DPYD: variants seen among roughly 807,000 people sequenced by gnomAD.
DPYD encodes dihydropyrimidine dehydrogenase, also known as dihydropyrimidine dehydrogenase [NADP(+)].
DPYD carries 109 observed loss-of-function variants against 116.2 expected under a neutral mutation model. The ratio of observed to expected loss-of-function variants is 0.94; its 90% CI spans 0.80 to 1.10. DPYD has a LOEUF of 1.10. Among genes scored for constraint, DPYD ranks in the 50% least tolerant of loss-of-function variants. The pLI is 0.00. For missense variants in DPYD, 1,302 were observed against 1,254.5 expected, an observed-to-expected ratio of 1.04 and a Z score of -0.57; for synonymous variants, 440 against 432.0, an observed-to-expected ratio of 1.02 and a Z score of -0.23.
intron 3 of DPYD, among the ~76,000 whole-genome samples, chr1:97,782,816 T>G (rs1025069260): frequency 2.6e-5 from 4 of 152,178 alleles, no homozygotes; most frequent in Non-Finnish European, 5.9e-5. Context: ...ATGGTCAAAC[T>G]CCTTTGTTAC....
Position 97,697,147 on chromosome 1 carries a change from TTAG to T in DPYD, c.680+2201_680+2203del, listed in dbSNP as rs1661354254. ...CGTGTCCTAAAAACAGAAGCCACTG[TTAG>T]AGGAAAGCAAAACTACTGATTATTT... On this transcript the variant is annotated intron_variant, in intron 6 of 22. Coordinates refer to ENST00000370192, the MANE Select transcript of DPYD (RefSeq NM_000110.4). 2.6e-5 allele frequency among the ~76,000 whole-genome samples: 4 copies of T among 152,112 alleles called. No homozygotes were observed. In the South Asian group the frequency reaches 8.3e-4, roughly 31 times the overall value.
At chr1:97,171,254 A>T (rs1488493822) in intron 20 of DPYD, among the ~76,000 whole-genome samples, 1 of 152,178 alleles carries the variant, frequency 6.6e-6, no homozygotes, top group Non-Finnish European at 1.5e-5. Flanking sequence ...TTGAGGAAAG[A>T]AGGTGGCATG....
chr1:97,725,024 T>G (rs1309502389), intron 4 of DPYD, among the ~76,000 whole-genome samples: 1 of 148,900 alleles, frequency 6.7e-6, no homozygotes, highest in Non-Finnish European at 1.5e-5. Context: ...TTATTTCTAT[T>G]TCCATGTAAA....
chr1:97,790,505 T>C (rs1042141586), intron 3 of DPYD, among the ~76,000 whole-genome samples: 4 of 152,216 alleles, frequency 2.6e-5, no homozygotes, highest in Admixed American at 2.6e-4. Context: ...GGGCACAGAA[T>C]AGTCTGCAAC....
At chr1:97,699,644 C>T in intron 5 of DPYD, 97 bp from the exon 6 acceptor site, 1 of 1,181,374 alleles carries the variant, frequency 8.5e-7, no homozygotes, top group South Asian at 1.3e-5. Flanking sequence ...TTTTAAATAG[C>T]AATGAGCAGT....
chr1:97,706,624 C>T (rs1358747671), intron 5 of DPYD, among the ~76,000 whole-genome samples: 1 of 151,964 alleles, frequency 6.6e-6, no homozygotes, highest in Non-Finnish European at 1.5e-5. Flanking sequence ...AATATACAGC[C>T]TTTTCAGATT....
At chr1:97,356,929 T>C (rs1007749822) in intron 16 of DPYD, among the ~76,000 whole-genome samples, 1 of 152,232 alleles carries the variant, frequency 6.6e-6, no homozygotes. Flanking sequence ...CACTTGGTGG[T>C]AGAGTTCAGA....
At chr1:97,879,219 C>T (rs1373802565) in intron 2 of DPYD, among the ~76,000 whole-genome samples, 1 of 151,862 alleles carries the variant, frequency 6.6e-6, no homozygotes, top group East Asian at 1.9e-4. Flanking sequence ...AAATAAATTA[C>T]TTCACAAAAA....
intron 3 of DPYD, among the ~76,000 whole-genome samples, chr1:97,785,681 CTTTTTTTTT>C (rs35229030): frequency 1.6e-5 from 1 of 62,540 alleles, no homozygotes; most frequent in African/African-American, 7.1e-5. Context: ...GCCACTGACT[CTTTTTTTTT>C]TTTTTTTTTT....
chr1:97,679,461 G>A lies in DPYD; in HGVS notation c.763-279C>T, dbSNP rs1051051592. On this transcript the variant is annotated intron_variant, in intron 7 of 22. Transcript: ENST00000370192. ...AGCTTGCATAATATGTTCAAAGCAC[G>A]ATGTGGGGCATTTAAATAATAAGAC... is the stretch of plus-strand genomic sequence containing the variant. Among the ~76,000 whole-genome samples, 9 of 152,120 alleles carry A rather than the reference G, an allele frequency of 5.9e-5. No individual in the cohort carries two copies. The East Asian group carries it at 1.3e-3, about 23-fold the overall frequency.
At chr1:97,770,486 G>C (rs1167814757) in intron 3 of DPYD, among the ~76,000 whole-genome samples, 4 of 151,996 alleles carry the variant, frequency 2.6e-5, no homozygotes, top group Admixed American at 6.6e-5. Flanking sequence ...AAAAAATTTT[G>C]AATAGTGAAT....
At chr1:97,390,113 TC>T (rs1460914159) in intron 14 of DPYD, among the ~76,000 whole-genome samples, 1 of 152,080 alleles carries the variant, frequency 6.6e-6, no homozygotes, top group Admixed American at 6.6e-5. Flanking sequence ...CTTGTCAAAT[TC>T]CCATTGACTT....
intron 16 of DPYD, among the ~76,000 whole-genome samples, chr1:97,311,914 G>A (rs987141712): frequency 1.8e-4 from 27 of 151,832 alleles, no homozygotes; most frequent in Middle Eastern, 3.4e-3. Flanking sequence ...ATAAAACTAC[G>A]AAGAAAAGCA....
intron 20 of DPYD, among the ~76,000 whole-genome samples, chr1:97,175,835 C>T (rs1366104439): frequency 6.6e-6 from 1 of 152,168 alleles, no homozygotes. Context: ...ATTTAGGCTA[C>T]ATAAAATTTT....
At position 97,450,191 on chromosome 1, in the gene DPYD, G is replaced by C. The variant is rs1254591571; in HGVS notation, c.1773C>G (p.Ile591Met). The C allele has an allele frequency of 6.2e-7, 1 of 1,613,662 alleles. No homozygotes were observed. Among genetic ancestry groups the C allele is most frequent in the Non-Finnish European group, 8.5e-7 (1 of 1,179,794 alleles). ...ACATGGGGCCAGAGGTGGTTCCCCGGATGATTCTGGGGGAAACATTTGTCA... is the reference window on the plus strand; with the variant it reads ...ACATGGGGCCAGAGGTGGTTCCCCGCATGATTCTGGGGGAAACATTTGTCA... ...DIVTNVSPRI[I>M]RGTTSGPMYG... Residue 591 changes from isoleucine (I) to methionine (M), a missense_variant, in exon 14 of 23, where the codon ATC becomes ATG. Transcript: ENST00000370192.
At position 97,805,856 on chromosome 1, in the gene DPYD, T is replaced by C. The variant is rs555478121; in HGVS notation, c.233+22258A>G. 5.9e-5 allele frequency among the ~76,000 whole-genome samples: 9 copies of C among 151,908 alleles called. No homozygotes were observed. The East Asian group carries it at 7.7e-4, about 13-fold the overall frequency. ...GTTTCCCCACTGGACACATACTGAA[T>C]TCAAGAGGTTTGTGGGAGGCTAAAA... On this transcript the variant is annotated intron_variant, in intron 3 of 22. Coordinates refer to ENST00000370192, the MANE Select transcript of DPYD (RefSeq NM_000110.4).
intron 16 of DPYD, among the ~76,000 whole-genome samples, chr1:97,372,755 A>T (rs534601237): frequency 6.6e-6 from 1 of 152,036 alleles, no homozygotes; most frequent in African/African-American, 2.4e-5. Context: ...AAAAAAAAAA[A>T]GGTGGGGACC....
Position 97,195,849 on chromosome 1 carries a change from C to A in DPYD, c.2443-2601G>T, listed in dbSNP as rs879846710. Among the ~76,000 whole-genome samples the A allele has an allele frequency of 8.0e-5, 12 of 150,638 alleles. 1 individual carries two copies. The highest frequency in any genetic ancestry group is 7.3e-4 in the Admixed American group (11 of 15,062). Reference sequence around the variant, plus strand: ...AGAGATCCAAGAGAGTTAAGTCAGGCGCTGCAGAAAGGTCAGGAATATCAG... The same window carrying A: ...AGAGATCCAAGAGAGTTAAGTCAGGAGCTGCAGAAAGGTCAGGAATATCAG... On this transcript the variant is annotated intron_variant, in intron 19 of 22. Coordinates refer to ENST00000370192, the MANE Select transcript of DPYD (RefSeq NM_000110.4).
chr1:97,679,608 G>A (rs527788755), intron 7 of DPYD, among the ~76,000 whole-genome samples: 1 of 152,238 alleles, frequency 6.6e-6, no homozygotes, highest in African/African-American at 2.4e-5. Context: ...CAGAGGCTGG[G>A]GAGATTCATT....
Sources: allele counts gnomAD v4.1 joint callset (sites outside exome capture counted in the v4.1 genomes callset), GRCh38; gene constraint gnomAD v4.1.1; transcripts MANE v1.5; gene names NCBI Gene and HGNC (gene_info 2026-07-23, HGNC 2026-07-21).